The following BNC2 variants were observed in gnomAD, a reference collection of about 807,000 sequenced individuals.
BNC2 encodes basonuclin zinc finger protein 2.
In BNC2, 20 loss-of-function variants were observed where a neutral mutation model predicts 76.3. That is an observed-to-expected ratio of 0.26 (90% confidence interval 0.18 to 0.38). BNC2 has a LOEUF of 0.38. Among genes scored for constraint, BNC2 ranks in the 10% least tolerant of loss-of-function variants. The pLI, the probability that BNC2 is intolerant of heterozygous loss-of-function variation, is 1.00. For missense variants in BNC2, 1,382 were observed against 1,399.8 expected, an observed-to-expected ratio of 0.99 and a Z score of 0.20; for synonymous variants, 582 against 514.8, an observed-to-expected ratio of 1.13 and a Z score of -1.77.
At chr9:16,805,273 C>A (rs1010174211) in intron 1 of BNC2, among the ~76,000 whole-genome samples, 1 of 152,086 alleles carries the variant, frequency 6.6e-6, no homozygotes, top group Admixed American at 6.6e-5. Context: ...GTGAATGTAG[C>A]CAAACACATG....
At position 16,537,673 on chromosome 9, in the gene BNC2, T is replaced by C. The variant is rs138753490; in HGVS notation, c.669+14857A>G. 3.7e-3 allele frequency among the ~76,000 whole-genome samples: 564 copies of C among 152,224 alleles called. 4 individuals are homozygous for C. Among genetic ancestry groups the C allele is most frequent in the African/African-American group, 0.013 (535 of 41,562 alleles). ...CAACAATTTTAACAAAAGCCAAACC[T>C]TGACTAAAATAAATGGCAACCAGAC... On this transcript the variant is annotated intron_variant, in intron 5 of 6. Coordinates refer to ENST00000380672, the MANE Select transcript of BNC2 (RefSeq NM_017637.6).
At chr9:16,462,457 A>C (rs1441152474) in intron 5 of BNC2, among the ~76,000 whole-genome samples, 1 of 152,198 alleles carries the variant, frequency 6.6e-6, no homozygotes, top group Non-Finnish European at 1.5e-5. Context: ...TGTAAAGTGG[A>C]AACCAAAACC....
chr9:16,650,759 T>C (rs1821771847), intron 3 of BNC2, among the ~76,000 whole-genome samples: 2 of 152,156 alleles, frequency 1.3e-5, no homozygotes, highest in Admixed American at 6.5e-5. Context: ...TCAAAATATA[T>C]TGCAGCTTCC....
chr9:16,479,004 C>G (rs1311253538), intron 5 of BNC2, among the ~76,000 whole-genome samples: 1 of 152,184 alleles, frequency 6.6e-6, no homozygotes, highest in Non-Finnish European at 1.5e-5. Context: ...GTAATCCCAG[C>G]ACTTTGGAAG....
chr9:16,782,600 C>G (rs567277668), intron 1 of BNC2, among the ~76,000 whole-genome samples: 26 of 145,698 alleles, frequency 1.8e-4, no homozygotes, highest in African/African-American at 6.8e-4. Context: ...CTGGCTGACT[C>G]TGAAGAATAA....
chr9:16,869,771 G>T (rs1463022762), intron 1 of BNC2, among the ~76,000 whole-genome samples: 8 of 152,188 alleles, frequency 5.3e-5, no homozygotes, highest in Non-Finnish European at 1.2e-4. Context: ...CTCGTAGAGG[G>T]GCTGTGCTGG....
At chr9:16,659,787 A>C (rs559240410) in intron 3 of BNC2, among the ~76,000 whole-genome samples, 10 of 152,238 alleles carry the variant, frequency 6.6e-5, no homozygotes, top group South Asian at 2.1e-4. Context: ...GATGTAAAAT[A>C]ACAGGCTCCT....
At chr9:16,493,865 A>G (rs1259906047) in intron 5 of BNC2, among the ~76,000 whole-genome samples, 2 of 152,128 alleles carry the variant, frequency 1.3e-5, no homozygotes, top group African/African-American at 4.8e-5. Flanking sequence ...AGAGTGGAGG[A>G]AAGCATGGCG....
intron 1 of BNC2, among the ~76,000 whole-genome samples, chr9:16,853,942 T>C (rs1435860607): frequency 5.3e-5 from 8 of 152,194 alleles, no homozygotes; most frequent in African/African-American, 1.7e-4. Flanking sequence ...TCACATTACA[T>C]GCTTGTACTA....
intron 1 of BNC2, among the ~76,000 whole-genome samples, chr9:16,869,414 T>C (rs1394365568): frequency 1.4e-5 from 1 of 72,784 alleles, no homozygotes; most frequent in Non-Finnish European, 2.2e-5. Flanking sequence ...CTCTTGCTTT[T>C]GTGTGTGTGT....
chr9:16,788,361 G>A (rs533566451), intron 1 of BNC2, among the ~76,000 whole-genome samples: 3,519 of 151,782 alleles, frequency 0.023, 56 homozygotes, highest in Non-Finnish European at 0.033. Flanking sequence ...AGACCATCCT[G>A]GCTAACATGG....
At chr9:16,584,636 A>C (rs911464831) in intron 3 of BNC2, among the ~76,000 whole-genome samples, 42 of 152,188 alleles carry the variant, frequency 2.8e-4, no homozygotes, top group Non-Finnish European at 4.9e-4. Context: ...GCTAGGTTGT[A>C]AACTTTGTTG....
chr9:16,738,244 T>C, intron 2 of BNC2, 116 bp downstream of exon 2: 1 of 1,166,596 alleles, frequency 8.6e-7, no homozygotes. Flanking sequence ...AGGATAAGTA[T>C]GAAAGACAGT....
chr9:16,564,105 G>A (rs1819095850), intron 4 of BNC2, among the ~76,000 whole-genome samples: 1 of 152,126 alleles, frequency 6.6e-6, no homozygotes, highest in African/African-American at 2.4e-5. Flanking sequence ...AATAATGACA[G>A]AAAGCAACAA....
rs201938483 is a variant in BNC2 at position 16,753,873 on chromosome 9, C to CG, written c.4-15389_4-15388insC. Among the ~76,000 whole-genome samples the CG allele has an allele frequency of 1.6e-4, 3 of 18,268 alleles. No homozygotes were observed. The African/African-American group carries it at 2.4e-3, about 15-fold the overall frequency. The allele number at this position is 18,268 out of a possible 152,430, so 12.0% of individuals were successfully genotyped here. ...GAGCAGATGGGTAGTTACAGTAATC[C>CG]ATACTTTAGATATCACTTGAAGTGA... On this transcript the variant is annotated intron_variant, in intron 1 of 6. Coordinates refer to ENST00000380672, the MANE Select transcript of BNC2 (RefSeq NM_017637.6).
intron 2 of BNC2, among the ~76,000 whole-genome samples, chr9:16,733,464 T>C (rs954509012): frequency 6.6e-6 from 1 of 151,962 alleles, no homozygotes. Flanking sequence ...TTGTAAAAAA[T>C]TATATCATAA....
intron 1 of BNC2, among the ~76,000 whole-genome samples, chr9:16,783,196 T>C (rs1826200573): frequency 6.6e-6 from 1 of 152,220 alleles, no homozygotes; most frequent in Admixed American, 6.5e-5. Context: ...TATACCACAT[T>C]TCCTGAACTT....
intron 3 of BNC2, among the ~76,000 whole-genome samples, chr9:16,591,761 T>C (rs1461149816): frequency 6.6e-6 from 1 of 152,200 alleles, no homozygotes; most frequent in African/African-American, 2.4e-5. Context: ...CAAACATTCA[T>C]ATGATGGAAA....
Position 16,409,925 on chromosome 9 carries a change from C to CAACA in BNC2, c.*9063_*9064insTGTT, listed in dbSNP as rs552894998. The CAACA allele has an allele frequency of 6.6e-5, 10 of 151,656 alleles. No individual in the cohort carries two copies. Among genetic ancestry groups the CAACA allele is most frequent in the Non-Finnish European group, 1.2e-4 (8 of 67,790 alleles). 9.4% of individuals were successfully genotyped at this position (151,656 alleles called of 1,614,324 possible). A position where few individuals can be genotyped will look rare whatever the true frequency, so the allele number is the denominator to read the frequency against. On this transcript the variant is annotated 3_prime_UTR_variant, in exon 7 of 7. Transcript: ENST00000380672. ...TTTATGCAGATGAGAACAATATAAA[C>CAACA]AAAAAAAAGGAATAAACAGCTAAAC... is the stretch of plus-strand genomic sequence containing the variant.
Sources: gnomAD v4.1 joint callset for allele counts (sites outside exome capture counted in the v4.1 genomes callset) on GRCh38, gnomAD v4.1.1 for gene constraint, MANE v1.5 for transcripts, NCBI Gene and HGNC (gene_info 2026-07-23, HGNC 2026-07-21) for gene names.